MYO1D: variants seen among roughly 807,000 people sequenced by gnomAD.
MYO1D encodes myosin ID.
Under a neutral mutation model 122.0 loss-of-function variants are expected in MYO1D, and 83 were observed. That is an observed-to-expected ratio of 0.68 (90% CI 0.57 to 0.82). The LOEUF is 0.82. MYO1D is among the 40% of genes least tolerant of loss of function. The pLI, the probability that MYO1D is intolerant of heterozygous loss-of-function variation, is 0.00. For missense variants in MYO1D, 1,157 were observed against 1,269.5 expected, an observed-to-expected ratio of 0.91 and a Z score of 1.35; for synonymous variants, 464 against 446.9, an observed-to-expected ratio of 1.04 and a Z score of -0.48.
chr17:32,755,574 T>C lies in MYO1D; in HGVS notation c.1385A>G (p.Asn462Ser), dbSNP rs1236420734. The C allele has an allele frequency of 6.2e-7, 1 of 1,614,018 alleles. No homozygotes were observed. Among genetic ancestry groups the C allele is most frequent in the Non-Finnish European group, 8.5e-7 (1 of 1,179,904 alleles). Residue 462 changes from asparagine to serine, a missense_variant, in exon 11 of 22, where the codon AAT becomes AGT. By Grantham distance (46) the Asn-to-Ser change is conservative. Transcript: ENST00000318217. ...CATTTCATCGGTGACTTTGCCGACA[T>C]TCATGCAAGCATCATCAAGGATTGC... ...IIAILDDACM[N>S]VGKVTDEMFL...
chr17:32,792,930 C>A (rs940518967), intron 1 of MYO1D, among the ~76,000 whole-genome samples: 4 of 152,138 alleles, frequency 2.6e-5, no homozygotes, highest in Non-Finnish European at 4.4e-5. Flanking sequence ...TCATACAGCA[C>A]TGGAGCCCTG....
chr17:32,737,228 A>G (rs916276125), intron 14 of MYO1D, among the ~76,000 whole-genome samples: 2 of 152,248 alleles, frequency 1.3e-5, no homozygotes, highest in African/African-American at 4.8e-5. Flanking sequence ...ATGCTGCCTA[A>G]TTTATCAAAC....
intron 21 of MYO1D, among the ~76,000 whole-genome samples, chr17:32,578,737 C>T (rs1013760905): frequency 1.3e-5 from 2 of 152,168 alleles, no homozygotes; most frequent in African/African-American, 2.4e-5. Context: ...TCCTTTAATG[C>T]GGAGGCATTT....
chr17:32,828,385 A>G (rs910658379), intron 1 of MYO1D, among the ~76,000 whole-genome samples: 1 of 151,962 alleles, frequency 6.6e-6, no homozygotes, highest in Non-Finnish European at 1.5e-5. Flanking sequence ...GCATAGTGGC[A>G]GGTGCCTGTA....
intron 1 of MYO1D, 94 bp downstream of exon 1, chr17:32,876,684 C>G: frequency 1.9e-6 from 2 of 1,025,712 alleles, no homozygotes; most frequent in Non-Finnish European, 2.7e-6. Context: ...GGAGCTTGGG[C>G]GCTCCCGACA....
chr17:32,548,260 T>C (rs1319532029), intron 21 of MYO1D, among the ~76,000 whole-genome samples: 1 of 151,588 alleles, frequency 6.6e-6, no homozygotes, highest in East Asian at 2.0e-4. Flanking sequence ...ATTTTTTGTC[T>C]CTACAAAAAA....
At chr17:32,821,567 C>T (rs1042782130) in intron 1 of MYO1D, among the ~76,000 whole-genome samples, 4 of 151,938 alleles carry the variant, frequency 2.6e-5, no homozygotes, top group South Asian at 2.1e-4. Flanking sequence ...CACACACACA[C>T]ATCTTTGACT....
intron 20 of MYO1D, among the ~76,000 whole-genome samples, chr17:32,633,900 AT>A (rs2150935685): frequency 6.6e-6 from 1 of 151,844 alleles, no homozygotes; most frequent in South Asian, 2.1e-4. Context: ...TCCTGATTTT[AT>A]TTTTTCCCTT....
At chr17:32,539,001 G>T (rs997818671) in intron 21 of MYO1D, among the ~76,000 whole-genome samples, 1 of 152,086 alleles carries the variant, frequency 6.6e-6, no homozygotes, top group African/African-American at 2.4e-5. Context: ...GCTAATGCAT[G>T]CTGGGCTTAA....
rs1379405766 is a variant in MYO1D at position 32,771,402 on chromosome 17, C to T, written c.619-182G>A. ...TCAAGGTAAATGGCTTCAATGTCAT[C>T]AGTTACAGAGAATGTTATGCAGTCA... On this transcript the variant is annotated intron_variant, in intron 5 of 21. Transcript: ENST00000318217. Among the ~76,000 whole-genome samples the T allele has an allele frequency of 4.6e-5, 7 of 152,074 alleles. No homozygotes were observed. The South Asian group carries it at 6.2e-4, about 14-fold the overall frequency.
intron 11 of MYO1D, among the ~76,000 whole-genome samples, chr17:32,754,802 T>A (rs529701150): frequency 3.3e-5 from 5 of 152,318 alleles, no homozygotes; most frequent in Admixed American, 2.0e-4. Context: ...ACAAATTTCT[T>A]GAACAAATAT....
At chr17:32,778,131 T>A (rs1368915957) in intron 3 of MYO1D, among the ~76,000 whole-genome samples, 1 of 152,144 alleles carries the variant, frequency 6.6e-6, no homozygotes, top group Non-Finnish European at 1.5e-5. Flanking sequence ...AACCTACCAG[T>A]GTAAATTATA....
chr17:32,803,567 G>A (rs1268649736), intron 1 of MYO1D, among the ~76,000 whole-genome samples: 1 of 152,110 alleles, frequency 6.6e-6, no homozygotes, highest in African/African-American at 2.4e-5. Flanking sequence ...ATCATCTATA[G>A]CTTATATACA....
chr17:32,786,879 A>T (rs1296298291), intron 1 of MYO1D, among the ~76,000 whole-genome samples: 1 of 152,184 alleles, frequency 6.6e-6, no homozygotes, highest in African/African-American at 2.4e-5. Flanking sequence ...AAGATGTCAG[A>T]AGAAAAGAAA....
At chr17:32,690,121 C>T (rs1235122404) in intron 16 of MYO1D, among the ~76,000 whole-genome samples, 2 of 151,402 alleles carry the variant, frequency 1.3e-5, no homozygotes, top group Non-Finnish European at 2.9e-5. Context: ...GTGTCTGTTA[C>T]ATACATAGAA....
intron 16 of MYO1D, among the ~76,000 whole-genome samples, chr17:32,690,054 T>C (rs149283551): frequency 3.3e-5 from 5 of 152,300 alleles, no homozygotes; most frequent in African/African-American, 1.2e-4. Context: ...AGATACATCA[T>C]AACTTATATA....
chr17:32,641,764 C>T (rs1420854423), intron 19 of MYO1D, among the ~76,000 whole-genome samples: 3 of 152,174 alleles, frequency 2.0e-5, no homozygotes, highest in Non-Finnish European at 1.5e-5. Flanking sequence ...ATCTTTCTCC[C>T]ACTTGTTGAT....
intron 21 of MYO1D, among the ~76,000 whole-genome samples, chr17:32,573,920 C>G (rs946291427): frequency 6.6e-6 from 1 of 152,136 alleles, no homozygotes; most frequent in Non-Finnish European, 1.5e-5. Flanking sequence ...GGCGCAATCT[C>G]GACTCACTGC....
intron 21 of MYO1D, chr17:32,505,552 A>G (rs1174377620): frequency 6.8e-6 from 1 of 147,214 alleles, no homozygotes; most frequent in Non-Finnish European, 1.5e-5. Flanking sequence ...GAGGCCCTGC[A>G]TGTGGCAGGG....
Sources: allele counts gnomAD v4.1 joint callset (sites outside exome capture counted in the v4.1 genomes callset), GRCh38; gene constraint gnomAD v4.1.1; transcripts MANE v1.5; gene names NCBI Gene and HGNC (gene_info 2026-07-23, HGNC 2026-07-21).